Variants in UGT1A6 observed in about 807,000 individuals in gnomAD.
UGT1A6 encodes the protein UDP glucuronosyltransferase family 1 member A6.
In UGT1A6, 32 loss-of-function variants were observed where a neutral mutation model predicts 44.4. The ratio of observed to expected loss-of-function variants is 0.72; its 90% CI spans 0.54 to 0.97. UGT1A6 has a LOEUF of 0.97. Among genes scored for constraint, UGT1A6 ranks in the 50% least tolerant of loss-of-function variants. The probability of loss-of-function intolerance (pLI) is 0.00; values close to 1 mark genes in which losing one functional copy is unlikely to be tolerated. For missense variants in UGT1A6, 685 were observed against 661.9 expected (o/e 1.03, Z -0.38); for synonymous variants, 238 against 248.5 (o/e 0.96, Z 0.40).
At chr2:233,730,184 G>T (rs1575587766) in intron 1 of UGT1A6, among the ~76,000 whole-genome samples, 1 of 152,132 alleles carries the variant, frequency 6.6e-6, no homozygotes, top group South Asian at 2.1e-4. Context: ...GTTTTAAATG[G>T]TCACTGAGAG....
chr2:233,714,260 AC>A (rs1294161130), intron 1 of UGT1A6, among the ~76,000 whole-genome samples: 1 of 152,230 alleles, frequency 6.6e-6, no homozygotes, highest in Non-Finnish European at 1.5e-5. Flanking sequence ...ATAGAAATTT[AC>A]AATTGTTGAC....
chr2:233,731,938 C>T (rs1286643444), intron 1 of UGT1A6, among the ~76,000 whole-genome samples: 1 of 152,210 alleles, frequency 6.6e-6, no homozygotes, highest in African/African-American at 2.4e-5. Flanking sequence ...ACATCCTCTC[C>T]AACATCTGTT....
intron 1 of UGT1A6, among the ~76,000 whole-genome samples, chr2:233,695,935 A>C (rs1408242527): frequency 6.6e-6 from 1 of 152,176 alleles, no homozygotes; most frequent in Non-Finnish European, 1.5e-5. Context: ...CAAGCAGGCA[A>C]TTCTGCCAGA....
At position 233,767,068 on chromosome 2, in the gene UGT1A6, A is replaced by G. The variant is rs1055696021; in HGVS notation, c.896A>G (p.His299Arg). 45 of 1,614,026 alleles carry G rather than the reference A, an allele frequency of 2.8e-5. No individual in the cohort carries two copies. Among genetic ancestry groups the G allele is most frequent in the Non-Finnish European group, 3.6e-5 (43 of 1,180,024 alleles). The change falls in exon 2 of 5, where the codon CAT becomes CGT. Residue 299 changes from histidine to arginine, a missense_variant. Physicochemically the swap from His to Arg is conservative, Grantham distance 29. Coordinates refer to ENST00000305139, the MANE Select transcript of UGT1A6 (RefSeq NM_001072.4). ...GCCTACATTAATGCTTCTGGAGAAC[A>G]TGGAATTGTGGTTTTCTCTTTGGGA... Reference protein sequence around the residue: ...FEAYINASGEHGIVVFSLGSM... With the variant: ...FEAYINASGERGIVVFSLGSM...
At chr2:233,731,530 C>T (rs149780205) in intron 1 of UGT1A6, among the ~76,000 whole-genome samples, 2,259 of 152,174 alleles carry the variant, frequency 0.015, 22 homozygotes, top group Non-Finnish European at 0.022. Flanking sequence ...TGAGAACATG[C>T]GGTGTTTGGT....
At position 233,772,309 on chromosome 2, in the gene UGT1A6, CGGTG is replaced by C. The variant is rs768601491; in HGVS notation, c.1351_1354del (p.Val451SerfsTer13). On this transcript the variant is annotated frameshift_variant, in exon 5 of 5. Transcript: ENST00000305139. LOFTEE classifies it high-confidence loss of function. ...CTCTCCAGCCTTCACAAGGACCGCCCGGTGGAGCCGCTGGACCTGGCCGTGTTCT... is the reference window on the plus strand; with the variant it reads ...CTCTCCAGCCTTCACAAGGACCGCCCGAGCCGCTGGACCTGGCCGTGTTCT... 1.9e-6 allele frequency: 3 copies of C among 1,614,206 alleles called. No individual in the cohort carries two copies. The highest frequency in any genetic ancestry group is 2.5e-6 in the Non-Finnish European group (3 of 1,180,052).
intron 1 of UGT1A6, among the ~76,000 whole-genome samples, chr2:233,716,957 A>G (rs2076536367): frequency 6.6e-6 from 1 of 152,152 alleles, no homozygotes; most frequent in Non-Finnish European, 1.5e-5. Context: ...GGCACCAGGA[A>G]TGTGAGCTTC....
chr2:233,695,519 ATTTC>A (rs1302845104), intron 1 of UGT1A6, among the ~76,000 whole-genome samples: 1 of 150,492 alleles, frequency 6.6e-6, no homozygotes, highest in East Asian at 1.9e-4. Context: ...TACAAATTTT[ATTTC>A]TTTTTTCTTT....
chr2:233,767,930 C>A lies in UGT1A6; in HGVS notation c.1075C>A (p.Leu359Met). The change falls in exon 3 of 5, where the codon CTG (leucine) becomes ATG (methionine). Residue 359 changes from leucine to methionine, a missense_variant. By Grantham distance (15) the Leu-to-Met change is conservative (BLOSUM62 2). Coordinates refer to ENST00000305139, the MANE Select transcript of UGT1A6 (RefSeq NM_001072.4). ...ILVKWLPQND[L>M]LGHPMTRAFI... ...TGTTAAGTGGCTACCCCAAAACGAT[C>A]TGCTTGGTATGTTGGGCGGATTGGA... The A allele has an allele frequency of 6.2e-7, 1 of 1,614,200 alleles. No individual in the cohort carries two copies. The highest frequency in any genetic ancestry group is 8.5e-7 in the Non-Finnish European group (1 of 1,180,054).
intron 1 of UGT1A6, chr2:233,717,647 G>A (rs2076594921): frequency 1.2e-5 from 5 of 402,786 alleles, no homozygotes; most frequent in Admixed American, 5.2e-5. Context: ...GGGCGACCAG[G>A]ACAAGGAAGC....
chr2:233,724,281 C>T (rs1325936815), intron 1 of UGT1A6, among the ~76,000 whole-genome samples: 26 of 111,902 alleles, frequency 2.3e-4, no homozygotes, highest in Non-Finnish European at 2.0e-4. Flanking sequence ...GCTGGCCGGG[C>T]GGGGGGCTGA....
chr2:233,750,536 C>T (rs1250970148), intron 1 of UGT1A6: 1 of 151,960 alleles, frequency 6.6e-6, no homozygotes, highest in Non-Finnish European at 1.5e-5. Flanking sequence ...AAAATGGCTT[C>T]AGTGCACATC....
chr2:233,699,892 C>T (rs566030513), intron 1 of UGT1A6, among the ~76,000 whole-genome samples: 3 of 152,224 alleles, frequency 2.0e-5, no homozygotes, highest in South Asian at 2.1e-4. Flanking sequence ...ATTGGAGAGG[C>T]GAAATAGTCA....
intron 1 of UGT1A6, among the ~76,000 whole-genome samples, chr2:233,707,717 A>G (rs1575486926): frequency 6.6e-6 from 1 of 152,192 alleles, no homozygotes; most frequent in Non-Finnish European, 1.5e-5. Context: ...ACTACTGTGA[A>G]CAATGTTACA....
chr2:233,724,298 C>A (rs1308100434), intron 1 of UGT1A6, among the ~76,000 whole-genome samples: 9 of 143,244 alleles, frequency 6.3e-5, no homozygotes, highest in South Asian at 2.4e-4. Context: ...CTGACCCCCC[C>A]ACCTCCCTCC....
chr2:233,759,046 C>T (rs1422861422), intron 1 of UGT1A6, among the ~76,000 whole-genome samples: 1 of 152,150 alleles, frequency 6.6e-6, no homozygotes, highest in Non-Finnish European at 1.5e-5. Flanking sequence ...CTGTTGTGAA[C>T]AAAAGTTCTC....
intron 1 of UGT1A6, among the ~76,000 whole-genome samples, chr2:233,748,368 T>C (rs76077604): frequency 0.034 from 5,139 of 151,930 alleles, 164 homozygotes; most frequent in African/African-American, 0.052. Context: ...ATCTTCATGG[T>C]TGTGCATGTC....
At chr2:233,740,403 G>A (rs1262585608) in intron 1 of UGT1A6, among the ~76,000 whole-genome samples, 1 of 151,904 alleles carries the variant, frequency 6.6e-6, no homozygotes, top group Non-Finnish European at 1.5e-5. Context: ...TCCCAAAATG[G>A]GGAAGTCTCT....
intron 1 of UGT1A6, chr2:233,752,598 T>G (rs1695013249): frequency 6.6e-6 from 1 of 152,212 alleles, no homozygotes. Flanking sequence ...CAAGATTTTT[T>G]TTAAAAAAAC....
Sources: allele counts gnomAD v4.1 joint callset (sites outside exome capture counted in the v4.1 genomes callset), GRCh38; gene constraint gnomAD v4.1.1; transcripts MANE v1.5; gene names NCBI Gene and HGNC (gene_info 2026-07-23, HGNC 2026-07-21).